The following SPAST variants were observed in gnomAD, a reference collection of about 807,000 sequenced individuals.
SPAST encodes spastic paraplegia 4 (autosomal dominant; spastin).
Under a neutral mutation model 76.6 loss-of-function variants are expected in SPAST, and 30 were observed. The observed-to-expected ratio is 0.39, with a 90% CI of 0.29 to 0.53. SPAST has a LOEUF of 0.53. Ranked by LOEUF, SPAST falls within the 20% of genes least tolerant of loss-of-function variation. The pLI, the probability that SPAST is intolerant of heterozygous loss-of-function variation, is 0.68. For missense variants in SPAST, 717 were observed against 770.5 expected, an observed-to-expected ratio of 0.93 and a Z score of 0.82; for synonymous variants, 305 against 281.0, an observed-to-expected ratio of 1.09 and a Z score of -0.86.
Position 32,127,025 on chromosome 2 carries a change from A to G in SPAST, c.1173+3A>G, listed in dbSNP as rs1466451323. Reference sequence around the variant, plus strand: ...CTGGGAATGGGAAGACAATGCTGGTAAGGGTTCTCTTCAAATTTGAGTTTT... The same window carrying G: ...CTGGGAATGGGAAGACAATGCTGGTGAGGGTTCTCTTCAAATTTGAGTTTT... On this transcript the variant is annotated splice_donor_region_variant and intron_variant, in intron 8 of 16. Transcript: ENST00000315285. The G allele has an allele frequency of 6.2e-7, 1 of 1,601,018 alleles. No homozygotes were observed. The highest frequency in any genetic ancestry group is 8.6e-7 in the Non-Finnish European group (1 of 1,168,196).
chr2:32,086,041 A>G (rs1198268235), intron 1 of SPAST, among the ~76,000 whole-genome samples: 1 of 53,496 alleles, frequency 1.9e-5, no homozygotes, highest in Non-Finnish European at 4.1e-5. Context: ...GACTCCATCT[A>G]AATAAATAAA....
intron 1 of SPAST, among the ~76,000 whole-genome samples, chr2:32,075,792 G>C (rs953277399): frequency 5.5e-5 from 8 of 144,834 alleles, no homozygotes; most frequent in Non-Finnish European, 1.2e-4. Flanking sequence ...GAGCTCAAGT[G>C]ATCCCCCCTC....
intron 12 of SPAST, among the ~76,000 whole-genome samples, chr2:32,140,748 A>G (rs988030151): frequency 1.4e-5 from 2 of 146,270 alleles, no homozygotes; most frequent in African/African-American, 4.9e-5. Context: ...AAAACCCCAT[A>G]TCTATAAAAA....
At chr2:32,105,261 G>A (rs1009042218) in intron 4 of SPAST, among the ~76,000 whole-genome samples, 20 of 152,144 alleles carry the variant, frequency 1.3e-4, no homozygotes, top group Non-Finnish European at 2.6e-4. Flanking sequence ...TGAAGCTCAT[G>A]CATGCATCAC....
intron 7 of SPAST, among the ~76,000 whole-genome samples, chr2:32,122,332 T>C (rs1477902592): frequency 6.6e-6 from 1 of 151,962 alleles, no homozygotes; most frequent in Non-Finnish European, 1.5e-5. Flanking sequence ...TGTTTTCTGT[T>C]TTGTTTTGAG....
intron 3 of SPAST, among the ~76,000 whole-genome samples, chr2:32,091,919 A>C (rs1677735096): frequency 6.6e-6 from 1 of 152,152 alleles, no homozygotes; most frequent in South Asian, 2.1e-4. Flanking sequence ...AGCTGAAGCT[A>C]ATATTATTAG....
At chr2:32,094,462 A>G (rs1677843824) in intron 3 of SPAST, among the ~76,000 whole-genome samples, 1 of 152,204 alleles carries the variant, frequency 6.6e-6, no homozygotes, top group Non-Finnish European at 1.5e-5. Context: ...AATGGTCCAC[A>G]GAGAAGTAAG....
rs142977872 is a variant in SPAST at position 32,131,983 on chromosome 2, A to G, written c.1245+3504A>G. On this transcript the variant is annotated intron_variant, in intron 9 of 16. Coordinates refer to ENST00000315285, the MANE Select transcript of SPAST (RefSeq NM_014946.4). ...CTACAGCAACCATTCTCTTTTATCCATACTTTTTTCAAGAGTACTGTTTCA... is the reference window on the plus strand; with the variant it reads ...CTACAGCAACCATTCTCTTTTATCCGTACTTTTTTCAAGAGTACTGTTTCA... 7.3e-4 allele frequency among the ~76,000 whole-genome samples: 111 copies of G among 152,266 alleles called. 3 individuals are homozygous for G. In the East Asian group the frequency reaches 0.015, roughly 21 times the overall value.
intron 1 of SPAST, among the ~76,000 whole-genome samples, chr2:32,065,377 A>G (rs543308278): frequency 2.6e-4 from 40 of 152,118 alleles, no homozygotes; most frequent in Non-Finnish European, 5.1e-4. Flanking sequence ...TGCATGTGTT[A>G]TCTTTTTTCT....
At chr2:32,074,814 T>C (rs1294102883) in intron 1 of SPAST, among the ~76,000 whole-genome samples, 2 of 152,058 alleles carry the variant, frequency 1.3e-5, no homozygotes, top group East Asian at 3.9e-4. Context: ...GCCTGTTTCT[T>C]AGATTTGAGG....
At chr2:32,065,442 CAAT>C (rs1216494136) in intron 1 of SPAST, among the ~76,000 whole-genome samples, 3 of 152,126 alleles carry the variant, frequency 2.0e-5, no homozygotes, top group Admixed American at 6.6e-5. Flanking sequence ...TTAATCCTCA[CAAT>C]AACTTTGTGA....
At chr2:32,107,155 G>A (rs986185383) in intron 4 of SPAST, among the ~76,000 whole-genome samples, 9 of 151,892 alleles carry the variant, frequency 5.9e-5, no homozygotes, top group Non-Finnish European at 1.3e-4. Context: ...TGAAAAAATT[G>A]AACTTTGTCT....
rs1677533235 is a variant in SPAST at position 32,087,539 on chromosome 2, G to A, written c.463G>A (p.Glu155Lys). ...GGAATGGTATAAGAAAGGTATTGAA[G>A]AACTGGAAAAAGGAATAGCTGTTAT... is the stretch of plus-strand genomic sequence containing the variant. The part of the protein sequence containing the change: ...AVEWYKKGIE[E>K]LEKGIAVIVT... Residue 155 changes from glutamate to lysine, a missense_variant, in exon 2 of 17, where the codon GAA becomes AAA. Transcript: ENST00000315285. 6.2e-7 allele frequency: 1 copy of A among 1,608,524 alleles called. No individual in the cohort carries two copies. The highest frequency in any genetic ancestry group is 8.5e-7 in the Non-Finnish European group (1 of 1,176,080).
intron 9 of SPAST, chr2:32,129,383 C>G (rs1226776877): frequency 1.3e-5 from 2 of 152,146 alleles, no homozygotes; most frequent in Non-Finnish European, 2.9e-5. Flanking sequence ...GCCACCACAC[C>G]TGGCCAGTAG....
intron 4 of SPAST, among the ~76,000 whole-genome samples, chr2:32,105,574 C>G (rs577857284): frequency 6.6e-6 from 1 of 152,288 alleles, no homozygotes; most frequent in South Asian, 2.1e-4. Context: ...GCTCTGGTTT[C>G]TCCCCATCTT....
intron 4 of SPAST, among the ~76,000 whole-genome samples, chr2:32,101,146 C>T (rs963385384): frequency 3.9e-5 from 6 of 152,230 alleles, no homozygotes; most frequent in South Asian, 2.1e-4. Flanking sequence ...TTTTAATGAT[C>T]GCCATTCTAA....
chr2:32,145,747 A>G (rs1484770074), intron 15 of SPAST, among the ~76,000 whole-genome samples: 2 of 152,168 alleles, frequency 1.3e-5, no homozygotes, highest in South Asian at 2.1e-4. Flanking sequence ...AATTCTTTTT[A>G]GGTTAGGTTA....
chr2:32,085,725 T>G (rs896883757), intron 1 of SPAST, among the ~76,000 whole-genome samples: 1 of 151,986 alleles, frequency 6.6e-6, no homozygotes, highest in Non-Finnish European at 1.5e-5. Context: ...CTTAGTCACT[T>G]TGTGTGGTGT....
chr2:32,104,965 A>G (rs1184266005), intron 4 of SPAST, among the ~76,000 whole-genome samples: 2 of 152,016 alleles, frequency 1.3e-5, no homozygotes, highest in Admixed American at 6.6e-5. Context: ...TCTTTGTGGC[A>G]TTCTCTGTAT....
Sources: allele counts gnomAD v4.1 joint callset (sites outside exome capture counted in the v4.1 genomes callset), GRCh38; gene constraint gnomAD v4.1.1; transcripts MANE v1.5; gene names NCBI Gene and HGNC (gene_info 2026-07-23, HGNC 2026-07-21).